ADCK2: variants seen among roughly 807,000 people sequenced by gnomAD.
ADCK2 encodes the protein aarF domain containing kinase 2, also known as uncharacterized aarF domain-containing protein kinase 2.
In ADCK2, 37 loss-of-function variants were observed where a neutral mutation model predicts 52.3. The observed-to-expected ratio is 0.71, with a 90% CI of 0.54 to 0.93. The LOEUF (loss-of-function observed/expected upper bound fraction) is 0.93. Among genes scored for constraint, ADCK2 ranks in the 40% least tolerant of loss-of-function variants. The pLI is 0.00. For missense variants in ADCK2, 695 were observed against 798.7 expected (o/e 0.87, Z 1.56); for synonymous variants, 321 against 349.2 (o/e 0.92, Z 0.90).
In ADCK2 at chr7:140,679,202, C is replaced by T. The variant is rs1232714730; in HGVS notation, c.1128C>T (p.Asn376=). 2 of 1,614,110 alleles carry T rather than the reference C, an allele frequency of 1.2e-6. No individual in the cohort carries two copies. Among genetic ancestry groups the T allele is most frequent in the Non-Finnish European group, 8.5e-7 (1 of 1,179,994 alleles). The change falls in exon 3 of 8, where the codon AAC becomes AAT. Residue 376 remains asparagine, a synonymous_variant. Coordinates refer to ENST00000072869, the MANE Select transcript of ADCK2 (RefSeq NM_052853.4). ...EAQNLEHFQV[N]FRNVKAVKFP... is the part of the protein sequence containing the mutation. ...AGAATCTAGAACACTTCCAGGTCAACTTCCGGAATGTGAAAGCCGTCAAGT... is the reference window on the plus strand; with the variant it reads ...AGAATCTAGAACACTTCCAGGTCAATTTCCGGAATGTGAAAGCCGTCAAGT...
intron 2 of ADCK2, among the ~76,000 whole-genome samples, chr7:140,676,959 T>C (rs1202224454): frequency 6.7e-6 from 1 of 149,498 alleles, no homozygotes; most frequent in Admixed American, 6.7e-5. Flanking sequence ...GGAGGCAGAG[T>C]TTACAGTGAA....
intron 4 of ADCK2, among the ~76,000 whole-genome samples, chr7:140,683,539 C>T (rs956284888): frequency 3.9e-5 from 6 of 152,194 alleles, no homozygotes; most frequent in African/African-American, 1.4e-4. Context: ...TCCTAAGAAC[C>T]TGGGTTTCCA....
chr7:140,695,031 A>G lies in ADCK2; in HGVS notation c.*228A>G. On this transcript the variant is annotated 3_prime_UTR_variant, in exon 8 of 8. Coordinates refer to ENST00000072869, the MANE Select transcript of ADCK2 (RefSeq NM_052853.4). Reference sequence around the variant, plus strand: ...AGGGGCCTATCCATTCCATTGTGGAAGCTGGGCCAGGTGCCAGGGACACTC... The same window carrying G: ...AGGGGCCTATCCATTCCATTGTGGAGGCTGGGCCAGGTGCCAGGGACACTC... 7.9e-7 allele frequency: 1 copy of G among 1,258,608 alleles called. No homozygotes were observed. Among genetic ancestry groups the G allele is most frequent in the Non-Finnish European group, 1.0e-6 (1 of 1,003,262 alleles). 78.0% of individuals were successfully genotyped at this position (1,258,608 alleles called of 1,614,324 possible).
rs1794749192 is a variant in ADCK2 at position 140,693,839 on chromosome 7, A to G, written c.1741-824A>G. Among the ~76,000 whole-genome samples the G allele has an allele frequency of 6.6e-6, 1 of 152,096 alleles. No homozygotes were observed. On this transcript the variant is annotated intron_variant, in intron 7 of 7. Transcript: ENST00000072869. The surrounding 1 kb of genome is among the most constrained non-coding windows in gnomAD (Gnocchi z 4.0). Reference sequence around the variant, plus strand: ...ATTCTCCTGCCTCAGCCTCCCGAGTAGCTGAGACCACAGGCGCCTGCCACC... The same window carrying G: ...ATTCTCCTGCCTCAGCCTCCCGAGTGGCTGAGACCACAGGCGCCTGCCACC...
chr7:140,674,040 G>A lies in ADCK2; in HGVS notation c.710G>A (p.Cys237Tyr). 1 of 1,614,146 alleles carries A rather than the reference G, an allele frequency of 6.2e-7. No homozygotes were observed. The highest frequency in any genetic ancestry group is 1.6e-4 in the Middle Eastern group (1 of 6,062). Reference protein sequence around the residue: ...DSVQRLGRASCLPPFSHTGAV... With the variant: ...DSVQRLGRASYLPPFSHTGAV... ...GTCCAGAGACTTGGCAGGGCCTCCTGTCTGCCGCCCTTCTCACATACTGGG... is the reference window on the plus strand; with the variant it reads ...GTCCAGAGACTTGGCAGGGCCTCCTATCTGCCGCCCTTCTCACATACTGGG... The change falls in exon 1 of 8, where the codon TGT (cysteine) becomes TAT (tyrosine). Residue 237 changes from cysteine to tyrosine, a missense_variant. Cys to Tyr is a radical substitution (Grantham distance 194). Coordinates refer to ENST00000072869, the MANE Select transcript of ADCK2 (RefSeq NM_052853.4). The surrounding 1 kb of genome is among the most constrained non-coding windows in gnomAD (Gnocchi z 4.6).
chr7:140,686,694 G>T (rs566670768), intron 4 of ADCK2, among the ~76,000 whole-genome samples: 1 of 152,092 alleles, frequency 6.6e-6, no homozygotes, highest in Non-Finnish European at 1.5e-5. Flanking sequence ...ACCCTCCTTC[G>T]TTGGCCTCCC....
chr7:140,682,239 C>T (rs1240697430), intron 4 of ADCK2, among the ~76,000 whole-genome samples: 2 of 152,130 alleles, frequency 1.3e-5, no homozygotes, highest in East Asian at 1.9e-4. Context: ...AAGGTCATTT[C>T]GGAGGAGACT....
intron 7 of ADCK2, among the ~76,000 whole-genome samples, chr7:140,692,166 C>G (rs1794719331): frequency 6.6e-6 from 1 of 152,198 alleles, no homozygotes; most frequent in Non-Finnish European, 1.5e-5. Flanking sequence ...AGAGCTGAAA[C>G]TCTACAGCCA....
rs540962057 is a variant in ADCK2, at chr7:140,690,807, T to A, written c.1734T>A (p.Thr578=). The change falls in exon 7 of 8, where the codon ACT becomes ACA. Residue 578 remains threonine (T), a synonymous_variant. Transcript: ENST00000072869. ...CTAGTGTCTTTAAGTTGCTGATGACTCACAAGGTGAGGGCCATTCAGAGGG... is the reference window on the plus strand; with the variant it reads ...CTAGTGTCTTTAAGTTGCTGATGACACACAAGGTGAGGGCCATTCAGAGGG... ...LLSSVFKLLM[T]HKVKLESNFA... is the part of the protein sequence containing the mutation. 5.0e-6 allele frequency: 8 copies of A among 1,613,766 alleles called. No homozygotes were observed. In the Admixed American group the frequency reaches 8.3e-5, roughly 17 times the overall value.
Position 140,674,986 on chromosome 7 carries a change from TA to T in ADCK2, c.1080+231del, listed in dbSNP as rs1304536309. 6.6e-6 allele frequency among the ~76,000 whole-genome samples: 1 copy of T among 152,198 alleles called. No individual in the cohort carries two copies. The highest frequency in any genetic ancestry group is 2.4e-5 in the African/African-American group (1 of 41,458). On this transcript the variant is annotated intron_variant, in intron 2 of 7. Transcript: ENST00000072869. The surrounding 1 kb of genome is among the most constrained non-coding windows in gnomAD (Gnocchi z 4.6). Reference sequence around the variant, plus strand: ...GGCCGGGCGTGGTGGCTCATGTGTGTAATCCTAGGACTTTGGGAGGCTCAGG... The same window carrying T: ...GGCCGGGCGTGGTGGCTCATGTGTGTATCCTAGGACTTTGGGAGGCTCAGG...
rs1381509620 is a variant in ADCK2 at position 140,693,265 on chromosome 7, T to C, written c.1741-1398T>C. Among the ~76,000 whole-genome samples the C allele has an allele frequency of 6.6e-6, 1 of 152,202 alleles. No homozygotes were observed. The highest frequency in any genetic ancestry group is 1.5e-5 in the Non-Finnish European group (1 of 68,038). On this transcript the variant is annotated intron_variant, in intron 7 of 7. Coordinates refer to ENST00000072869, the MANE Select transcript of ADCK2 (RefSeq NM_052853.4). The surrounding 1 kb of genome is among the most constrained non-coding windows in gnomAD (Gnocchi z 4.0). Reference sequence around the variant, plus strand: ...AGAATGAAAGCATTCCCAGAGGTGTTAGAGCCCTGGGTTCCCACCCGGACC... The same window carrying C: ...AGAATGAAAGCATTCCCAGAGGTGTCAGAGCCCTGGGTTCCCACCCGGACC...
Position 140,694,678 on chromosome 7 carries a change from A to T in ADCK2, c.1756A>T (p.Asn586Tyr). ...LMTHKVKLES[N>Y]FASIVFAIMV... ...TCTGTTCCAGGTAAAGCTTGAGAGC[A>T]ACTTTGCCTCCATTGTGTTTGCCAT... is the stretch of plus-strand genomic sequence containing the variant. The change falls in exon 8 of 8, where the codon AAC (asparagine) becomes TAC (tyrosine). Residue 586 changes from asparagine to tyrosine, a missense_variant. Coordinates refer to ENST00000072869, the MANE Select transcript of ADCK2 (RefSeq NM_052853.4). 1 of 1,613,940 alleles carries T rather than the reference A, an allele frequency of 6.2e-7. No homozygotes were observed. The highest frequency in any genetic ancestry group is 8.5e-7 in the Non-Finnish European group (1 of 1,179,890).
chr7:140,690,669 G>A, intron 6 of ADCK2, 91 bp from the exon 7 acceptor site: 1 of 1,197,624 alleles, frequency 8.3e-7, no homozygotes, highest in African/African-American at 1.5e-5. Flanking sequence ...GAGTGGGGTG[G>A]GATGCTGGGG....
chr7:140,694,945 C>T lies in ADCK2; in HGVS notation c.*142C>T. On this transcript the variant is annotated 3_prime_UTR_variant, in exon 8 of 8. Coordinates refer to ENST00000072869, the MANE Select transcript of ADCK2 (RefSeq NM_052853.4). ...GTGGTGGAAGGCACACCATGGCTTC[C>T]TCTGCTTGGTTTGAGGGTCTGTTCA... The T allele has an allele frequency of 7.1e-7, 1 of 1,417,526 alleles. No individual in the cohort carries two copies. The highest frequency in any genetic ancestry group is 9.2e-7 in the Non-Finnish European group (1 of 1,089,782). The allele number at this position is 1,417,526 out of a possible 1,614,324, so 87.8% of individuals were successfully genotyped here. A position where few individuals can be genotyped will look rare whatever the true frequency, so the allele number is the denominator to read the frequency against.
chr7:140,679,758 C>T (rs910491869), intron 3 of ADCK2, among the ~76,000 whole-genome samples: 21 of 150,222 alleles, frequency 1.4e-4, no homozygotes, highest in Non-Finnish European at 3.0e-4. Flanking sequence ...CTGCCACCTC[C>T]GCCTTCCAGG....
In ADCK2 at chr7:140,673,509, G is replaced by C. The variant is rs1306730304; in HGVS notation, c.179G>C (p.Gly60Ala). 1.2e-6 allele frequency: 2 copies of C among 1,601,792 alleles called. No individual in the cohort carries two copies. The highest frequency in any genetic ancestry group is 1.7e-6 in the Non-Finnish European group (2 of 1,176,470). ...VVSLCGDVGE[G>A]APDVLSRRRV... ...TCCCTGTGCGGGGACGTGGGTGAGG[G>C]GGCCCCTGACGTTCTGAGTCGGCGA... The change falls in exon 1 of 8, where the codon GGG becomes GCG. Residue 60 changes from glycine (G) to alanine (A), a missense_variant. Coordinates refer to ENST00000072869, the MANE Select transcript of ADCK2 (RefSeq NM_052853.4). The surrounding 1 kb of genome is among the most constrained non-coding windows in gnomAD (Gnocchi z 6.4).
At chr7:140,691,951 T>C (rs1794715993) in intron 7 of ADCK2, among the ~76,000 whole-genome samples, 1 of 152,232 alleles carries the variant, frequency 6.6e-6, no homozygotes, top group South Asian at 2.1e-4. Flanking sequence ...TGTTTGCTGC[T>C]GCTGCTGCTG....
chr7:140,681,056 G>C lies in ADCK2; in HGVS notation c.1224G>C (p.Val408=). The change falls in exon 4 of 8, where the codon GTG becomes GTC. Residue 408 remains valine (V), a synonymous_variant. Coordinates refer to ENST00000072869, the MANE Select transcript of ADCK2 (RefSeq NM_052853.4). The part of the protein sequence containing the change: ...LVETYEESVP[V]SSYQQAGIPV... The stretch of plus-strand genomic sequence containing the variant: ...TCTTTCTGAAGGAGAGTGTGCCTGT[G>C]TCCAGTTACCAGCAGGCAGGAATTC... The C allele has an allele frequency of 6.2e-7, 1 of 1,614,120 alleles. No homozygotes were observed. The highest frequency in any genetic ancestry group is 2.2e-5 in the East Asian group (1 of 44,876).
Position 140,674,827 on chromosome 7 carries a change from A to C in ADCK2, c.1080+70A>C. 6.6e-7 allele frequency: 1 copy of C among 1,514,154 alleles called. No homozygotes were observed. 93.8% of individuals were successfully genotyped at this position (1,514,154 alleles called of 1,614,324 possible). On this transcript the variant is annotated intron_variant, in intron 2 of 7. Coordinates refer to ENST00000072869, the MANE Select transcript of ADCK2 (RefSeq NM_052853.4). This position sits in a 1 kb window ranked among gnomAD's most constrained non-coding sequence, Gnocchi z 4.6. ...CTTGCCATTAGCTGCTACTTAGTAA[A>C]TGTTGAATGAATAATTTTCTGGTAT... is the stretch of plus-strand genomic sequence containing the variant.
Sources: gnomAD v4.1 joint callset for allele counts (sites outside exome capture counted in the v4.1 genomes callset) on GRCh38, gnomAD v4.1.1 for gene constraint, Gnocchi (gnomAD v3.1) non-coding constraint, MANE v1.5 for transcripts, NCBI Gene and HGNC (gene_info 2026-07-23, HGNC 2026-07-21) for gene names.